PAX3: variants seen among roughly 807,000 people sequenced by gnomAD.
PAX3 encodes the protein paired box 3.
Under a neutral mutation model 51.6 loss-of-function variants are expected in PAX3, and 14 were observed. The ratio of observed to expected loss-of-function variants is 0.27; its 90% confidence interval spans 0.18 to 0.42. PAX3 has a LOEUF of 0.42. PAX3 is among the 10% of genes least tolerant of loss of function. The probability of loss-of-function intolerance (pLI) is 1.00; values close to 1 mark genes in which losing one functional copy is unlikely to be tolerated. For synonymous variants in PAX3, 280 were observed against 253.4 expected (o/e 1.11, Z -1.00); for missense variants, 540 against 642.8 (o/e 0.84, Z 1.73).
intron 7 of PAX3, among the ~76,000 whole-genome samples, chr2:222,219,207 T>C (rs1448667488): frequency 6.6e-6 from 1 of 152,210 alleles, no homozygotes; most frequent in Non-Finnish European, 1.5e-5. Context: ...TGTGTCATTC[T>C]GAGCTTCTCT....
In PAX3 at chr2:222,254,694, A is replaced by T. The variant is rs1446540258; in HGVS notation, c.587-22411T>A. Among the ~76,000 whole-genome samples, 3 of 152,254 alleles carry T rather than the reference A, an allele frequency of 2.0e-5. 1 individual carries two copies. The highest frequency in any genetic ancestry group is 2.4e-5 in the African/African-American group (1 of 41,474). On this transcript the variant is annotated intron_variant, in intron 4 of 8. Coordinates refer to ENST00000392070, the MANE Select transcript of PAX3 (RefSeq NM_181458.4). Reference sequence around the variant, plus strand: ...TTTAATGTTTCTGATGATACTCTACAGTATAAACATGTCAAAAACTCAACA... The same window carrying T: ...TTTAATGTTTCTGATGATACTCTACTGTATAAACATGTCAAAAACTCAACA...
intron 4 of PAX3, among the ~76,000 whole-genome samples, chr2:222,253,143 C>G (rs1447858115): frequency 6.6e-6 from 1 of 152,164 alleles, no homozygotes; most frequent in Non-Finnish European, 1.5e-5. Flanking sequence ...AACTGTTGTT[C>G]TATTCCGAGG....
At chr2:222,202,426 G>A (rs1691334080) in intron 7 of PAX3, among the ~76,000 whole-genome samples, 1 of 151,830 alleles carries the variant, frequency 6.6e-6, no homozygotes. Context: ...GGGGAGAAGA[G>A]GGGGAAGAGG....
Position 222,297,217 on chromosome 2 carries a change from T to C in PAX3, c.86-4A>G. On this transcript the variant is annotated splice_polypyrimidine_tract_variant and splice_region_variant and intron_variant, in intron 1 of 8. Coordinates refer to ENST00000392070, the MANE Select transcript of PAX3 (RefSeq NM_181458.4). Reference sequence around the variant, plus strand: ...CCCTGGCCGAGGGGAGTGGACACTGTGGGAAGGTGAAAAAGAGAAGCAAGG... The same window carrying C: ...CCCTGGCCGAGGGGAGTGGACACTGCGGGAAGGTGAAAAAGAGAAGCAAGG... 1 of 1,562,366 alleles carries C rather than the reference T, an allele frequency of 6.4e-7. No individual in the cohort carries two copies. Among genetic ancestry groups the C allele is most frequent in the Non-Finnish European group, 8.7e-7 (1 of 1,150,982 alleles).
chr2:222,216,402 C>A (rs960373016), intron 7 of PAX3, among the ~76,000 whole-genome samples: 1 of 152,120 alleles, frequency 6.6e-6, no homozygotes, highest in East Asian at 1.9e-4. Context: ...ATGCACAGAC[C>A]CTTTCAGCAA....
At chr2:222,273,094 C>CT (rs1363543435) in intron 4 of PAX3, among the ~76,000 whole-genome samples, 1 of 152,176 alleles carries the variant, frequency 6.6e-6, no homozygotes, top group Non-Finnish European at 1.5e-5. Flanking sequence ...AAGAAATAGA[C>CT]TTTTGTTATG....
intron 4 of PAX3, among the ~76,000 whole-genome samples, chr2:222,236,487 C>A (rs1692802379): frequency 6.6e-6 from 1 of 152,126 alleles, no homozygotes; most frequent in Non-Finnish European, 1.5e-5. Context: ...ATTTTACATA[C>A]TCAGTTTTAC....
chr2:222,284,830 C>G (rs1694778324), intron 4 of PAX3, among the ~76,000 whole-genome samples: 1 of 152,232 alleles, frequency 6.6e-6, no homozygotes, highest in African/African-American at 2.4e-5. Flanking sequence ...TTCATTCTCA[C>G]AGAATCCTGG....
chr2:222,242,162 TG>T (rs1476070334), intron 4 of PAX3, among the ~76,000 whole-genome samples: 1 of 152,206 alleles, frequency 6.6e-6, no homozygotes, highest in African/African-American at 2.4e-5. Context: ...CTTATGTTTT[TG>T]TTACTACAAC....
chr2:222,222,486 C>T (rs1185822940), intron 5 of PAX3, among the ~76,000 whole-genome samples: 2 of 151,866 alleles, frequency 1.3e-5, no homozygotes, highest in South Asian at 2.1e-4. Context: ...TCAACCCAAC[C>T]TCCGCCTCCC....
chr2:222,231,253 A>ATT (rs1465610574), intron 5 of PAX3, among the ~76,000 whole-genome samples: 1 of 152,202 alleles, frequency 6.6e-6, no homozygotes, highest in Non-Finnish European at 1.5e-5. Context: ...AACACACAAT[A>ATT]TTTGCAGACA....
At chr2:222,243,632 C>A (rs1230147850) in intron 4 of PAX3, among the ~76,000 whole-genome samples, 1 of 152,174 alleles carries the variant, frequency 6.6e-6, no homozygotes, top group Non-Finnish European at 1.5e-5. Context: ...GGCATAGATT[C>A]TGTGATCTTT....
chr2:222,244,218 G>A (rs975292055), intron 4 of PAX3, among the ~76,000 whole-genome samples: 3 of 152,164 alleles, frequency 2.0e-5, no homozygotes, highest in Non-Finnish European at 2.9e-5. Flanking sequence ...TTGTGTCTAA[G>A]CAACAGTTGC....
chr2:222,205,287 C>T (rs541337958), intron 7 of PAX3, among the ~76,000 whole-genome samples: 2 of 152,130 alleles, frequency 1.3e-5, no homozygotes, highest in East Asian at 3.9e-4. Context: ...TAAGACTTCC[C>T]AAAACATGAC....
chr2:222,298,623 G>T lies in PAX3; in HGVS notation c.-8C>A. 1 of 1,600,944 alleles carries T rather than the reference G, an allele frequency of 6.2e-7. No individual in the cohort carries two copies. The highest frequency in any genetic ancestry group is 8.5e-7 in the Non-Finnish European group (1 of 1,174,114). Reference sequence around the variant, plus strand: ...GCCGGCCAGCGTGGTCATCCTGGGGGCAGCTTCGCTCGGAAATTATATCCA... The same window carrying T: ...GCCGGCCAGCGTGGTCATCCTGGGGTCAGCTTCGCTCGGAAATTATATCCA... On this transcript the variant is annotated 5_prime_UTR_variant, in exon 1 of 9. Coordinates refer to ENST00000392070, the MANE Select transcript of PAX3 (RefSeq NM_181458.4).
At position 222,298,688 on chromosome 2, in the gene PAX3, C is replaced by T; in HGVS notation, c.-73G>A. 1 of 1,396,998 alleles carries T rather than the reference C, an allele frequency of 7.2e-7. No homozygotes were observed. The highest frequency in any genetic ancestry group is 9.9e-7 in the Non-Finnish European group (1 of 1,007,520). The allele number at this position is 1,396,998 out of a possible 1,614,324, so 86.5% of individuals were successfully genotyped here. ...GGAAAGGCGAGTGCGGCGCGGATGACCCTCGGGAACTATCCGGAGCGTGGA... is the reference window on the plus strand; with the variant it reads ...GGAAAGGCGAGTGCGGCGCGGATGATCCTCGGGAACTATCCGGAGCGTGGA... On this transcript the variant is annotated 5_prime_UTR_variant, in exon 1 of 9. Transcript: ENST00000392070.
Position 222,221,365 on chromosome 2 carries a change from G to A in PAX3, c.815C>T (p.Ala272Val). The A allele has an allele frequency of 6.2e-7, 1 of 1,613,936 alleles. No individual in the cohort carries two copies. The highest frequency in any genetic ancestry group is 8.5e-7 in the Non-Finnish European group (1 of 1,179,844). ...RVQVWFSNRR[A>V]RWRKQAGANQ... Reference sequence around the variant, plus strand: ...GGCCCCAGCTTGCTTCCTCCATCTTGCACGGCGGTTGCTAAACCAGACCTA... The same window carrying A: ...GGCCCCAGCTTGCTTCCTCCATCTTACACGGCGGTTGCTAAACCAGACCTA... The change falls in exon 6 of 9, where the codon GCA (alanine) becomes GTA (valine). Residue 272 changes from alanine to valine, a missense_variant. Around this residue, in one of 3 missense-constraint regions of PAX3, gnomAD observed 427 missense variants for 483.6 expected, o/e 0.88. Transcript: ENST00000392070.
intron 4 of PAX3, among the ~76,000 whole-genome samples, chr2:222,259,613 A>G (rs1031050761): frequency 6.6e-6 from 1 of 152,236 alleles, no homozygotes; most frequent in African/African-American, 2.4e-5. Context: ...TTTCAAAGCC[A>G]GAGTTGATAC....
chr2:222,260,303 G>C (rs1052726260), intron 4 of PAX3, among the ~76,000 whole-genome samples: 3 of 152,098 alleles, frequency 2.0e-5, no homozygotes, highest in Non-Finnish European at 4.4e-5. Context: ...GGGAGGTCGA[G>C]GCTACAGTGA....
Sources: gnomAD v4.1 joint callset for allele counts (sites outside exome capture counted in the v4.1 genomes callset) on GRCh38, gnomAD v4.1.1 for gene constraint, gnomAD v4.1.1 regional missense constraint, MANE v1.5 for transcripts, NCBI Gene and HGNC (gene_info 2026-07-23, HGNC 2026-07-21) for gene names.